The following CCL16 variants were observed in gnomAD, a reference collection of about 807,000 sequenced individuals.
CCL16 encodes the protein C-C motif chemokine ligand 16.
CCL16 carries 6 observed loss-of-function variants against 7.5 expected under a neutral mutation model. The observed-to-expected ratio is 0.80, with a 90% CI of 0.44 to 1.57. The LOEUF is 1.57. Among genes scored for constraint, CCL16 ranks in the 40% most tolerant of loss-of-function variants. CCL16 has a pLI of 0.01. For synonymous variants in CCL16, 60 were observed against 57.7 expected (o/e 1.04, Z -0.18); for missense variants, 134 against 142.9 (o/e 0.94, Z 0.32).
intron 1 of CCL16, 138 bp from the exon 2 acceptor site, chr17:35,978,401 G>T: frequency 8.8e-7 from 1 of 1,140,110 alleles, no homozygotes; most frequent in Non-Finnish European, 1.3e-6. Context: ...TAGCTTGACT[G>T]GTAATGAAGT....
intron 2 of CCL16, 54 bp downstream of exon 2, chr17:35,978,089 T>C (rs2089653008): frequency 1.2e-6 from 2 of 1,611,850 alleles, no homozygotes; most frequent in Admixed American, 1.7e-5. Context: ...ATCTCATTCC[T>C]GCCCCTGGGC....
chr17:35,978,057 T>G, intron 2 of CCL16, 86 bp downstream of exon 2: 1 of 1,571,938 alleles, frequency 6.4e-7, no homozygotes, highest in Non-Finnish European at 8.7e-7. Flanking sequence ...GCTTCTAGCA[T>G]GGAGACCTCT....
chr17:35,978,170 G>A lies in CCL16; in HGVS notation c.170C>T (p.Ala57Val). ...GATTGCTGGCAGGTGACAGTTGAGGGCCTTTCTGTATCCCACCACTAGTCT... is the reference window on the plus strand; with the variant it reads ...GATTGCTGGCAGGTGACAGTTGAGGACCTTTCTGTATCCCACCACTAGTCT... ...PRRLVVGYRK[A>V]LNCHLPAIIF... The change falls in exon 2 of 3, where the codon GCC (alanine) becomes GTC (valine). Residue 57 changes from alanine (A) to valine (V), a missense_variant. Transcript: ENST00000611905. The A allele has an allele frequency of 6.2e-7, 1 of 1,614,166 alleles. No homozygotes were observed. Among genetic ancestry groups the A allele is most frequent in the Non-Finnish European group, 8.5e-7 (1 of 1,180,020 alleles).
At position 35,977,501 on chromosome 17, in the gene CCL16, T is replaced by C; in HGVS notation, c.*65A>G. 1 of 1,452,346 alleles carries C rather than the reference T, an allele frequency of 6.9e-7. No homozygotes were observed. The highest frequency in any genetic ancestry group is 9.5e-7 in the Non-Finnish European group (1 of 1,053,900). 90.0% of individuals were successfully genotyped at this position (1,452,346 alleles called of 1,614,324 possible). On this transcript the variant is annotated 3_prime_UTR_variant, in exon 3 of 3. Coordinates refer to ENST00000611905, the MANE Select transcript of CCL16 (RefSeq NM_004590.4). ...CTGGCTAGTTTCAGCCTAATAAGGC[T>C]TCCCCTGTTTTCATAGGTTTACCCC...
At position 35,977,499 on chromosome 17, in the gene CCL16, GCTTCCCCTGTTTTCATAGGTTTACCCCT is replaced by G. The variant is rs2141986632; in HGVS notation, c.*39_*66del. The G allele has an allele frequency of 7.0e-7, 1 of 1,432,368 alleles. No homozygotes were observed. 88.7% of individuals were successfully genotyped at this position (1,432,368 alleles called of 1,614,324 possible). A position where few individuals can be genotyped will look rare whatever the true frequency, so the allele number is the denominator to read the frequency against. On this transcript the variant is annotated 3_prime_UTR_variant, in exon 3 of 3. Transcript: ENST00000611905. The stretch of plus-strand genomic sequence containing the variant: ...GACTGGCTAGTTTCAGCCTAATAAG[GCTTCCCCTGTTTTCATAGGTTTACCCCT>G]CTCTTCTGTAAACAAGGGCTTCCAC...
chr17:35,978,292 A>C (rs2089656196), intron 1 of CCL16, 29 bp from the exon 2 acceptor site: 2 of 1,614,030 alleles, frequency 1.2e-6, no homozygotes, highest in Admixed American at 1.7e-5. Context: ...AAGCTGAGCC[A>C]GGGAAGCAGA....
At chr17:35,979,052 C>G (rs576596702) in intron 1 of CCL16, 1 of 151,804 alleles carries the variant, frequency 6.6e-6, no homozygotes, top group Non-Finnish European at 1.5e-5. Flanking sequence ...CACTTAAACC[C>G]GGGAGTCAGA....
In CCL16 at chr17:35,981,154, A is replaced by G. The variant is rs535646366; in HGVS notation, c.76+191T>C. On this transcript the variant is annotated intron_variant, in intron 1 of 2. Coordinates refer to ENST00000611905, the MANE Select transcript of CCL16 (RefSeq NM_004590.4). ...CCAGTTTCCTGGAACTACTTACCCC[A>G]GAAAGATCCGGACCAACCCCAGCTC... is the stretch of plus-strand genomic sequence containing the variant. Among the ~76,000 whole-genome samples, 4 of 152,250 alleles carry G rather than the reference A, an allele frequency of 2.6e-5. No homozygotes were observed. In the South Asian group the frequency reaches 8.3e-4, roughly 32 times the overall value.
Position 35,978,010 on chromosome 17 carries a change from G to A in CCL16, c.197+133C>T, listed in dbSNP as rs2089652110. 5 of 1,297,830 alleles carry A rather than the reference G, an allele frequency of 3.9e-6. No individual in the cohort carries two copies. The South Asian group carries it at 6.9e-5, about 18-fold the overall frequency. The allele number at this position is 1,297,830 out of a possible 1,614,324, so 80.4% of individuals were successfully genotyped here. The stretch of plus-strand genomic sequence containing the variant: ...AATTAGGAATTAATCCCAGGCCCCT[G>A]AGAGCCAAAGGCCAAACCCTTAGCC... On this transcript the variant is annotated intron_variant, in intron 2 of 2. Transcript: ENST00000611905.
At position 35,977,426 on chromosome 17, in the gene CCL16, C is replaced by A. The variant is rs1232289768; in HGVS notation, c.*140G>T. 1.5e-6 allele frequency: 1 copy of A among 672,210 alleles called. No homozygotes were observed. The highest frequency in any genetic ancestry group is 1.8e-5 in the African/African-American group (1 of 54,096). 41.6% of individuals were successfully genotyped at this position (672,210 alleles called of 1,614,324 possible). A position where few individuals can be genotyped will look rare whatever the true frequency, so the allele number is the denominator to read the frequency against. On this transcript the variant is annotated 3_prime_UTR_variant, in exon 3 of 3. Transcript: ENST00000611905. ...TTCCTCCTAAGATTGAGAAAATATT[C>A]GAAATACTTCTCCTTTATTTTGATC... is the stretch of plus-strand genomic sequence containing the variant.
chr17:35,978,432 G>A (rs1284988015), intron 1 of CCL16, among the ~76,000 whole-genome samples, 169 bp from the exon 2 acceptor site: 1 of 152,188 alleles, frequency 6.6e-6, no homozygotes, highest in Non-Finnish European at 1.5e-5. Flanking sequence ...AATCCCTTTG[G>A]GGGACATACA....
In CCL16 at chr17:35,978,247, C is replaced by T. The variant is rs1250031311; in HGVS notation, c.93G>A (p.Val31=). 4 of 1,614,216 alleles carry T rather than the reference C, an allele frequency of 2.5e-6. No homozygotes were observed. Among genetic ancestry groups the T allele is most frequent in the Non-Finnish European group, 8.5e-7 (1 of 1,180,026 alleles). ...TCAGGCAGCAGGTGGATGGGGTGTT[C>T]ACCCACTCAGGAACTTCTGAAGGAA... ...SRSQPKVPEW[V]NTPSTCCLKY... Residue 31 remains valine (V), a synonymous_variant, in exon 2 of 3, where the codon GTG becomes GTA. Coordinates refer to ENST00000611905, the MANE Select transcript of CCL16 (RefSeq NM_004590.4).
intron 1 of CCL16, among the ~76,000 whole-genome samples, chr17:35,978,622 A>G (rs1235806596): frequency 1.3e-5 from 2 of 152,192 alleles, no homozygotes; most frequent in Non-Finnish European, 2.9e-5. Flanking sequence ...TGAGGAAGAT[A>G]CAGTCACTAC....
chr17:35,981,200 G>A, intron 1 of CCL16, 145 bp downstream of exon 1: 2 of 591,836 alleles, frequency 3.4e-6, no homozygotes. Context: ...GGGGAGAATT[G>A]GAGGTCAGAA....
Position 35,978,143 on chromosome 17 carries a change from A to C in CCL16, c.197T>G (p.Ile66Ser). 1 of 1,614,186 alleles carries C rather than the reference A, an allele frequency of 6.2e-7. No homozygotes were observed. The highest frequency in any genetic ancestry group is 8.5e-7 in the Non-Finnish European group (1 of 1,180,030). The change falls in exon 2 of 3, where the codon ATC becomes AGC. Residue 66 changes from isoleucine (I) to serine (S), a missense_variant and splice_region_variant. Physicochemically the swap from Ile to Ser is moderately radical, Grantham distance 142 (BLOSUM62 -2). Coordinates refer to ENST00000611905, the MANE Select transcript of CCL16 (RefSeq NM_004590.4). ...GAAATATCTAAAAGGACGTGCTTACATGATTGCTGGCAGGTGACAGTTGAG... is the reference window on the plus strand; with the variant it reads ...GAAATATCTAAAAGGACGTGCTTACCTGATTGCTGGCAGGTGACAGTTGAG... ...KALNCHLPAI[I>S]FVTKRNREVC...
intron 1 of CCL16, among the ~76,000 whole-genome samples, chr17:35,978,580 A>G (rs2089658247): frequency 6.6e-6 from 1 of 152,214 alleles, no homozygotes; most frequent in African/African-American, 2.4e-5. Flanking sequence ...TTGAGCTAGT[A>G]TTATATGCTG....
chr17:35,981,340 C>T lies in CCL16; in HGVS notation c.76+5G>A. Reference sequence around the variant, plus strand: ...TTCCTGCCCTACAGAGACAAGTGGACTCACTTGGCTGGCTGCGAGAAGCCG... The same window carrying T: ...TTCCTGCCCTACAGAGACAAGTGGATTCACTTGGCTGGCTGCGAGAAGCCG... On this transcript the variant is annotated splice_donor_5th_base_variant and intron_variant, in intron 1 of 2. Transcript: ENST00000611905. 1 of 1,603,036 alleles carries T rather than the reference C, an allele frequency of 6.2e-7. No homozygotes were observed. Among genetic ancestry groups the T allele is most frequent in the Non-Finnish European group, 8.5e-7 (1 of 1,171,482 alleles).
Position 35,977,397 on chromosome 17 carries a change from G to C in CCL16, c.*169C>G. On this transcript the variant is annotated 3_prime_UTR_variant, in exon 3 of 3. Coordinates refer to ENST00000611905, the MANE Select transcript of CCL16 (RefSeq NM_004590.4). ...CCTCTGCCCACGTCCCTTAACTTTG[G>C]TATTTCCTCCTAAGATTGAGAAAAT... 1.9e-6 allele frequency: 1 copy of C among 515,622 alleles called. No homozygotes were observed. 31.9% of individuals were successfully genotyped at this position (515,622 alleles called of 1,614,324 possible).
rs559427956 is a variant in CCL16 at position 35,976,527 on chromosome 17, A to G, written c.*1039T>C. On this transcript the variant is annotated 3_prime_UTR_variant, in exon 3 of 3. Transcript: ENST00000611905. The stretch of plus-strand genomic sequence containing the variant: ...CAAATAAGGGAGTTTTATTTATTGC[A>G]TGTTTGGGTTTTGGACTAAGAGTTT... 7 of 152,212 alleles carry G rather than the reference A, an allele frequency of 4.6e-5. No homozygotes were observed. The highest frequency in any genetic ancestry group is 1.9e-4 in the East Asian group (1 of 5,170). 9.4% of individuals were successfully genotyped at this position (152,212 alleles called of 1,614,324 possible). A position where few individuals can be genotyped will look rare whatever the true frequency, so the allele number is the denominator to read the frequency against.
Sources: gnomAD v4.1 joint callset for allele counts (sites outside exome capture counted in the v4.1 genomes callset) on GRCh38, gnomAD v4.1.1 for gene constraint, MANE v1.5 for transcripts, NCBI Gene and HGNC (gene_info 2026-07-23, HGNC 2026-07-21) for gene names.